PRUNE2: variants seen among roughly 807,000 people sequenced by gnomAD.
The protein encoded by PRUNE2 is protein prune homolog 2.
In PRUNE2, 164 loss-of-function variants were observed where a neutral mutation model predicts 252.0. That is an observed-to-expected ratio of 0.65 (90% CI 0.57 to 0.74). The LOEUF is 0.74. Among genes scored for constraint, PRUNE2 ranks in the 30% least tolerant of loss-of-function variants. The pLI is 0.00. For synonymous variants in PRUNE2, 1,292 were observed against 1,350.2 expected (o/e 0.96, Z 0.94); for missense variants, 3,495 against 3,711.0 (o/e 0.94, Z 1.51).
intron 9 of PRUNE2, among the ~76,000 whole-genome samples, chr9:76,691,001 C>T (rs979534415): frequency 1.3e-5 from 2 of 152,070 alleles, no homozygotes; most frequent in African/African-American, 2.4e-5. Context: ...TTTTGATTGC[C>T]AGGCATCGTA....
At position 76,705,646 on chromosome 9, in the gene PRUNE2, C is replaced by T. The variant is rs2046259094; in HGVS notation, c.6628G>A (p.Ala2210Thr). 1 of 1,614,010 alleles carries T rather than the reference C, an allele frequency of 6.2e-7. No homozygotes were observed. Among genetic ancestry groups the T allele is most frequent in the Non-Finnish European group, 8.5e-7 (1 of 1,179,892 alleles). ...AAAATTGGTGCCATATCTGGGCTGG[C>T]TCCTTTTTCTGATACTTGTAAACCT... ...STGLQVSEKG[A>T]SPDMAPILEP... Residue 2210 changes from alanine to threonine, a missense_variant, in exon 8 of 19, where the codon GCC becomes ACC. Coordinates refer to ENST00000376718, the MANE Select transcript of PRUNE2 (RefSeq NM_015225.3).
chr9:76,622,388 T>A (rs1157871824), intron 17 of PRUNE2, among the ~76,000 whole-genome samples: 1 of 151,832 alleles, frequency 6.6e-6, no homozygotes, highest in Non-Finnish European at 1.5e-5. Context: ...GCAGAAAGAG[T>A]ATAAATATAG....
intron 6 of PRUNE2, among the ~76,000 whole-genome samples, chr9:76,804,484 G>T (rs1217093759): frequency 6.6e-6 from 1 of 152,176 alleles, no homozygotes; most frequent in East Asian, 1.9e-4. Context: ...TATCACTTTG[G>T]GAAGAGTGAG....
intron 15 of PRUNE2, among the ~76,000 whole-genome samples, chr9:76,634,868 C>G (rs1385427705): frequency 2.0e-5 from 3 of 152,160 alleles, no homozygotes; most frequent in African/African-American, 7.2e-5. Flanking sequence ...ACCCATTAAA[C>G]TTTTTGAAAG....
At chr9:76,614,740 G>C (rs1039551696) in intron 18 of PRUNE2, 140 bp from the exon 19 acceptor site, 7 of 655,050 alleles carry the variant, frequency 1.1e-5, no homozygotes, top group Non-Finnish European at 1.0e-5. Flanking sequence ...TCTTATAATA[G>C]AAAAATCTGG....
At chr9:76,799,371 T>G (rs1266712760) in intron 6 of PRUNE2, among the ~76,000 whole-genome samples, 1 of 151,854 alleles carries the variant, frequency 6.6e-6, no homozygotes, top group Non-Finnish European at 1.5e-5. Context: ...TCAGTGATTT[T>G]CCAATGAGTG....
chr9:76,696,717 C>T (rs983271900), intron 9 of PRUNE2, among the ~76,000 whole-genome samples: 4 of 152,240 alleles, frequency 2.6e-5, no homozygotes, highest in South Asian at 4.1e-4. Context: ...TGAGGCGCCA[C>T]GCCCAGCCTC....
At chr9:76,815,427 C>T (rs1376073787) in intron 6 of PRUNE2, among the ~76,000 whole-genome samples, 1 of 152,122 alleles carries the variant, frequency 6.6e-6, no homozygotes, top group African/African-American at 2.4e-5. Flanking sequence ...CTGGTGAGAG[C>T]CTGTTCCTCA....
chr9:76,764,993 C>CA (rs1237508580), intron 6 of PRUNE2, among the ~76,000 whole-genome samples: 1 of 152,138 alleles, frequency 6.6e-6, no homozygotes, highest in African/African-American at 2.4e-5. Context: ...GAGAAAAAGT[C>CA]AAAGGTTCTG....
intron 6 of PRUNE2, among the ~76,000 whole-genome samples, chr9:76,715,291 C>G (rs1463591262): frequency 6.6e-6 from 1 of 152,182 alleles, no homozygotes; most frequent in African/African-American, 2.4e-5. Context: ...CCATCATACC[C>G]GTACTCTGTA....
chr9:76,822,870 T>A (rs941052402), intron 6 of PRUNE2, among the ~76,000 whole-genome samples: 1 of 151,830 alleles, frequency 6.6e-6, no homozygotes, highest in Admixed American at 6.6e-5. Flanking sequence ...CAAATTCCTA[T>A]AGAGCATATT....
chr9:76,846,180 T>C (rs2059661304), intron 4 of PRUNE2, among the ~76,000 whole-genome samples: 1 of 152,156 alleles, frequency 6.6e-6, no homozygotes, highest in Non-Finnish European at 1.5e-5. Flanking sequence ...CTCGTCCCTA[T>C]CATGCTGTCT....
chr9:76,866,768 A>C (rs2060864235), intron 1 of PRUNE2, among the ~76,000 whole-genome samples: 1 of 152,062 alleles, frequency 6.6e-6, no homozygotes, highest in Admixed American at 6.5e-5. Context: ...GAAGGGAAAG[A>C]AAAGAGAGCG....
At chr9:76,897,807 T>G (rs879782424) in intron 1 of PRUNE2, among the ~76,000 whole-genome samples, 15 of 152,284 alleles carry the variant, frequency 9.9e-5, no homozygotes, top group Admixed American at 5.9e-4. Context: ...GGGAGTTAAA[T>G]CAAATTTTAA....
chr9:76,798,277 T>C (rs1034067477), intron 6 of PRUNE2, among the ~76,000 whole-genome samples: 6 of 152,200 alleles, frequency 3.9e-5, no homozygotes, highest in African/African-American at 1.4e-4. Context: ...ATCCATTAAA[T>C]AACATCTGTC....
At chr9:76,852,237 C>T (rs7021308) in intron 2 of PRUNE2, among the ~76,000 whole-genome samples, 15,161 of 152,242 alleles carry the variant, frequency 0.1, 1,129 homozygotes, top group African/African-American at 0.21. Flanking sequence ...ACGCTAATAC[C>T]GAACCACAAT....
chr9:76,793,070 T>A (rs1219763966), intron 6 of PRUNE2, among the ~76,000 whole-genome samples: 1 of 152,208 alleles, frequency 6.6e-6, no homozygotes, highest in African/African-American at 2.4e-5. Context: ...CAAATCCAAG[T>A]CTATTATGCC....
chr9:76,689,936 G>A (rs2044531332), intron 9 of PRUNE2, among the ~76,000 whole-genome samples: 1 of 152,210 alleles, frequency 6.6e-6, no homozygotes, highest in East Asian at 1.9e-4. Flanking sequence ...GCAGCTATCA[G>A]AACAAGATAG....
In PRUNE2 at chr9:76,695,257, C is replaced by T. The variant is rs537304838; in HGVS notation, c.8276+8080G>A. ...TTCACCATGTTGGTCAGGCTGGTCT[C>T]GAACTCCTCACCTCACGTGATCTGC... On this transcript the variant is annotated intron_variant, in intron 9 of 18. Transcript: ENST00000376718. Among the ~76,000 whole-genome samples the T allele has an allele frequency of 8.4e-5, 12 of 143,180 alleles. No homozygotes were observed. In the East Asian group the frequency reaches 2.0e-3, roughly 24 times the overall value. The allele number at this position is 143,180 out of a possible 152,430, so 93.9% of individuals were successfully genotyped here. A position where few individuals can be genotyped will look rare whatever the true frequency, so the allele number is the denominator to read the frequency against.
Sources: gnomAD v4.1 joint callset for allele counts (sites outside exome capture counted in the v4.1 genomes callset) on GRCh38, gnomAD v4.1.1 for gene constraint, MANE v1.5 for transcripts, NCBI Gene and HGNC (gene_info 2026-07-23, HGNC 2026-07-21) for gene names.